ZNF143: variants seen among roughly 807,000 people sequenced by gnomAD.
The protein encoded by ZNF143 is zinc finger protein 143.
A neutral mutation model predicts 74.1 loss-of-function variants in ZNF143; 49 were observed. That is an observed-to-expected ratio of 0.66 (90% CI 0.53 to 0.84). The LOEUF (loss-of-function observed/expected upper bound fraction) is 0.84, where lower values mean the gene tolerates loss of function less well. ZNF143 is among the 40% of genes least tolerant of loss of function. The pLI is 0.00. For missense variants in ZNF143, 637 were observed against 793.4 expected (o/e 0.80, Z 2.37); for synonymous variants, 304 against 282.8 (o/e 1.07, Z -0.75).
At chr11:9,518,022 G>C (rs1422732594) in intron 14 of ZNF143, among the ~76,000 whole-genome samples, 1 of 152,122 alleles carries the variant, frequency 6.6e-6, no homozygotes, top group Non-Finnish European at 1.5e-5. Context: ...ACTGTATTGA[G>C]AATGTGCAAC....
chr11:9,481,957 T>TA (rs1226453651), intron 7 of ZNF143, among the ~76,000 whole-genome samples: 11 of 134,078 alleles, frequency 8.2e-5, no homozygotes, highest in Non-Finnish European at 1.5e-4. Context: ...AAAATGTCAT[T>TA]AAAAAAACCC....
intron 7 of ZNF143, among the ~76,000 whole-genome samples, chr11:9,483,203 A>G (rs1439294410): frequency 6.7e-6 from 1 of 148,460 alleles, no homozygotes; most frequent in Non-Finnish European, 1.5e-5. Context: ...CATGTTGACC[A>G]GGTTGGTCTC....
intron 5 of ZNF143, among the ~76,000 whole-genome samples, chr11:9,475,928 G>A (rs1434114218): frequency 5.4e-4 from 81 of 150,712 alleles, no homozygotes; most frequent in African/African-American, 1.1e-3. Context: ...GTGTGTGTGT[G>A]TGTGTGTGTG....
chr11:9,464,990 G>A (rs959164946), intron 1 of ZNF143, among the ~76,000 whole-genome samples: 2 of 152,094 alleles, frequency 1.3e-5, no homozygotes, highest in East Asian at 1.9e-4. Context: ...TGAATTAAAA[G>A]TGATCATTGT....
chr11:9,492,484 T>C (rs1210033799), intron 7 of ZNF143, among the ~76,000 whole-genome samples: 2 of 151,326 alleles, frequency 1.3e-5, no homozygotes. Context: ...TGACCTCAGG[T>C]GATCCACCCA....
At chr11:9,471,082 C>T (rs911487851) in intron 1 of ZNF143, 46 of 295,610 alleles carry the variant, frequency 1.6e-4, no homozygotes, top group African/African-American at 7.7e-4. Flanking sequence ...AGTTGCTAAG[C>T]GCACTGACAA....
intron 12 of ZNF143, among the ~76,000 whole-genome samples, chr11:9,510,843 A>T (rs1848516018): frequency 6.6e-6 from 1 of 152,110 alleles, no homozygotes; most frequent in Non-Finnish European, 1.5e-5. Context: ...GATTGTTGAA[A>T]TTGCTGTTTA....
rs1015673370 is a variant in ZNF143 at position 9,502,534 on chromosome 11, C to T, written c.1147+1264C>T. On this transcript the variant is annotated intron_variant, in intron 11 of 15. Coordinates refer to ENST00000396602, the MANE Select transcript of ZNF143 (RefSeq NM_003442.6). Reference sequence around the variant, plus strand: ...CTGAGGCAGGAGAACAGCATGAACCCGGGAGGCAGAGCTTGCAGTGAGTTG... The same window carrying T: ...CTGAGGCAGGAGAACAGCATGAACCTGGGAGGCAGAGCTTGCAGTGAGTTG... 1.3e-4 allele frequency among the ~76,000 whole-genome samples: 20 copies of T among 149,618 alleles called. No homozygotes were observed. In the East Asian group the frequency reaches 3.9e-3, roughly 29 times the overall value.
chr11:9,474,095 C>G (rs1856743417), intron 4 of ZNF143, 71 bp downstream of exon 4: 1 of 1,203,862 alleles, frequency 8.3e-7, no homozygotes, highest in Non-Finnish European at 1.2e-6. Flanking sequence ...ACCTGCAGCT[C>G]CCTCTTACTA....
chr11:9,479,235 G>A (rs1279104989), intron 6 of ZNF143, among the ~76,000 whole-genome samples: 1 of 151,866 alleles, frequency 6.6e-6, no homozygotes, highest in African/African-American at 2.4e-5. Flanking sequence ...GAACTCCTGG[G>A]CTCAGATGAT....
At chr11:9,527,173 T>C (rs1462079725) in intron 15 of ZNF143, among the ~76,000 whole-genome samples, 1 of 152,186 alleles carries the variant, frequency 6.6e-6, no homozygotes, top group Non-Finnish European at 1.5e-5. Flanking sequence ...CGTTTTGCCA[T>C]GTTGCTCAGG....
intron 6 of ZNF143, 47 bp downstream of exon 6, chr11:9,478,633 A>T: frequency 6.5e-7 from 1 of 1,547,746 alleles, no homozygotes; most frequent in Non-Finnish European, 8.8e-7. Flanking sequence ...TAGCTTCTTT[A>T]TTTTTCATGA....
Position 9,484,081 on chromosome 11 carries a change from T to A in ZNF143, c.645+4535T>A, listed in dbSNP as rs930628574. ...TTTTAATCACATATGTGGCTTGCAC[T>A]TGTGACTTATTATATTTCTCTTCAT... On this transcript the variant is annotated intron_variant, in intron 7 of 15. Transcript: ENST00000396602. 5.9e-5 allele frequency among the ~76,000 whole-genome samples: 9 copies of A among 151,480 alleles called. 1 individual carries two copies. Among genetic ancestry groups the A allele is most frequent in the African/African-American group, 2.2e-4 (9 of 40,846 alleles).
intron 7 of ZNF143, among the ~76,000 whole-genome samples, chr11:9,488,904 G>T (rs1409590572): frequency 6.6e-6 from 1 of 151,988 alleles, no homozygotes; most frequent in Non-Finnish European, 1.5e-5. Flanking sequence ...AAAAAAAAAA[G>T]ATTTATTTGG....
intron 7 of ZNF143, among the ~76,000 whole-genome samples, chr11:9,488,175 G>T (rs910328182): frequency 6.6e-6 from 1 of 152,168 alleles, no homozygotes; most frequent in East Asian, 1.9e-4. Flanking sequence ...GCTTCAACTT[G>T]TGAGGCGGAG....
rs1024597358 is a variant in ZNF143, at chr11:9,483,953, T to C, written c.645+4407T>C. On this transcript the variant is annotated intron_variant, in intron 7 of 15. Coordinates refer to ENST00000396602, the MANE Select transcript of ZNF143 (RefSeq NM_003442.6). ...TCAGTAGAGAGGGGGTTTCACCATG[T>C]TGGCTAGGATGGTCTGAATCTCTTG... Among the ~76,000 whole-genome samples, 7 of 150,960 alleles carry C rather than the reference T, an allele frequency of 4.6e-5. 1 individual carries two copies. Among genetic ancestry groups the C allele is most frequent in the African/African-American group, 1.7e-4 (7 of 40,486 alleles).
chr11:9,510,837 G>A (rs766879353), intron 12 of ZNF143, among the ~76,000 whole-genome samples: 5 of 152,104 alleles, frequency 3.3e-5, no homozygotes, highest in Admixed American at 6.5e-5. Context: ...GTAATGGATT[G>A]TTGAAATTGC....
chr11:9,516,348 A>G lies in ZNF143; in HGVS notation c.1672A>G (p.Thr558Ala). The G allele has an allele frequency of 6.2e-7, 1 of 1,612,694 alleles. No individual in the cohort carries two copies. The highest frequency in any genetic ancestry group is 1.1e-5 in the South Asian group (1 of 90,940). Reference sequence around the variant, plus strand: ...TGTTGCTATGGTTACTGCTGAGGGTACAGAAGGGGAACAGGTAATTACTTT... The same window carrying G: ...TGTTGCTATGGTTACTGCTGAGGGTGCAGAAGGGGAACAGGTAATTACTTT... ...HSVAMVTAEGTEGEQVAIVAQ... is the reference protein window; with the variant it reads ...HSVAMVTAEGAEGEQVAIVAQ... Residue 558 changes from threonine to alanine, a missense_variant, in exon 14 of 16, where the codon ACA becomes GCA. By Grantham distance (58) the Thr-to-Ala change is moderately conservative. Coordinates refer to ENST00000396602, the MANE Select transcript of ZNF143 (RefSeq NM_003442.6).
At chr11:9,525,609 A>G in intron 15 of ZNF143, 1 of 565,334 alleles carries the variant, frequency 1.8e-6, no homozygotes. Context: ...TTATAGCAAG[A>G]AAAAAAACCT....
Sources: gnomAD v4.1 joint callset for allele counts (sites outside exome capture counted in the v4.1 genomes callset) on GRCh38, gnomAD v4.1.1 for gene constraint, MANE v1.5 for transcripts, NCBI Gene and HGNC (gene_info 2026-07-23, HGNC 2026-07-21) for gene names.